The following CELF2 variants were observed in gnomAD, a reference collection of about 807,000 sequenced individuals.
The protein encoded by CELF2 is CUG triplet repeat RNA-binding protein 2.
A neutral mutation model predicts 62.6 loss-of-function variants in CELF2; 8 were observed. The ratio of observed to expected loss-of-function variants is 0.13; its 90% CI spans 0.07 to 0.23. The LOEUF (loss-of-function observed/expected upper bound fraction) is 0.23. CELF2 is among the 10% of genes least tolerant of loss of function. The pLI, the probability that CELF2 is intolerant of heterozygous loss-of-function variation, is 1.00. For synonymous variants in CELF2, 258 were observed against 250.0 expected (o/e 1.03, Z -0.30); for missense variants, 333 against 671.0 (o/e 0.50, Z 5.56).
intron 2 of CELF2, among the ~76,000 whole-genome samples, chr10:11,206,682 C>T (rs1241927517): frequency 3.9e-5 from 6 of 152,220 alleles, no homozygotes; most frequent in Non-Finnish European, 8.8e-5. Context: ...TGGCTTGTTA[C>T]ATTCAACCTG....
chr10:10,700,726 A>T, the CELF2 span, among the ~76,000 whole-genome samples: 3 of 152,172 alleles, frequency 2.0e-5, no homozygotes, highest in Admixed American at 2.0e-4. Flanking sequence ...TTTCTTCTCA[A>T]ATTGATCATT....
chr10:11,271,955 C>T (rs11257041), intron 7 of CELF2, among the ~76,000 whole-genome samples: 31,475 of 152,086 alleles, frequency 0.21, 4,611 homozygotes, highest in East Asian at 0.7. Context: ...ATCAACCAGC[C>T]GCTAGTGGTT....
chr10:11,196,932 C>T (rs368573908), intron 2 of CELF2, among the ~76,000 whole-genome samples: 42 of 150,082 alleles, frequency 2.8e-4, no homozygotes, highest in African/African-American at 1.0e-3. Flanking sequence ...GCACTCCAGC[C>T]TGGGCGACAG....
intron 2 of CELF2, among the ~76,000 whole-genome samples, chr10:10,991,367 G>A (rs140311812): frequency 1.3e-5 from 2 of 152,148 alleles, no homozygotes; most frequent in Admixed American, 6.5e-5. Context: ...TGAGGCACAC[G>A]CTAAGGGGAT....
chr10:10,533,867 A>T, the CELF2 span, among the ~76,000 whole-genome samples: 1 of 152,224 alleles, frequency 6.6e-6, no homozygotes, highest in Non-Finnish European at 1.5e-5. Flanking sequence ...TCTACTTGGA[A>T]GTCACTGGCG....
chr10:10,955,478 G>A (rs1049124119), intron 2 of CELF2, among the ~76,000 whole-genome samples: 9 of 152,194 alleles, frequency 5.9e-5, no homozygotes, highest in Non-Finnish European at 1.2e-4. Context: ...GAGTGAGCCC[G>A]AAACACAGTT....
Position 11,244,286 on chromosome 10 carries a change from T to A in CELF2, c.355-4867T>A, listed in dbSNP as rs2137048453. Reference sequence around the variant, plus strand: ...CATTGTTTCTTTTTACTTGAAATTGTCCAGCCTATGAACATATCCCTCACT... The same window carrying A: ...CATTGTTTCTTTTTACTTGAAATTGACCAGCCTATGAACATATCCCTCACT... On this transcript the variant is annotated intron_variant, in intron 3 of 12. Coordinates refer to ENST00000633077, the MANE Select transcript of CELF2 (RefSeq NM_001326342.2). The surrounding 1 kb of genome is among the most constrained non-coding windows in gnomAD (Gnocchi z 4.2). Among the ~76,000 whole-genome samples, 1 of 152,358 alleles carries A rather than the reference T, an allele frequency of 6.6e-6. No individual in the cohort carries two copies. The highest frequency in any genetic ancestry group is 2.4e-5 in the African/African-American group (1 of 41,588).
At chr10:10,909,575 T>G (rs1032754390) in intron 1 of CELF2, among the ~76,000 whole-genome samples, 1 of 152,210 alleles carries the variant, frequency 6.6e-6, no homozygotes, top group Non-Finnish European at 1.5e-5. Flanking sequence ...GTGGCTTTTG[T>G]GTTTTCATTT....
chr10:10,554,962 T>A, the CELF2 span, among the ~76,000 whole-genome samples: 2 of 152,072 alleles, frequency 1.3e-5, no homozygotes, highest in East Asian at 3.9e-4. Flanking sequence ...GTGTATGTAT[T>A]TGGTACAGGA....
At chr10:11,283,079 A>G (rs146415674) in intron 8 of CELF2, among the ~76,000 whole-genome samples, 2 of 152,288 alleles carry the variant, frequency 1.3e-5, no homozygotes, top group African/African-American at 2.4e-5. Context: ...ATGAGCACGC[A>G]CTTCTGAAAA....
chr10:11,317,004 A>G (rs771612481), intron 10 of CELF2: 2 of 152,214 alleles, frequency 1.3e-5, no homozygotes, highest in African/African-American at 2.4e-5. Flanking sequence ...AGCATGTTTT[A>G]TATGTTAACA....
Position 11,165,705 on chromosome 10 carries a change from C to T in CELF2, c.271+23C>T, listed in dbSNP as rs1222727355. 8 of 1,592,816 alleles carry T rather than the reference C, an allele frequency of 5.0e-6. No homozygotes were observed. Among genetic ancestry groups the T allele is most frequent in the Admixed American group, 1.8e-5 (1 of 57,020 alleles). ...AAGGTACAGAGCGCGGGGCGGGGGT[C>T]GCCAGGCGTCCAGGTGGGCGTCGCG... On this transcript the variant is annotated intron_variant, in intron 2 of 12. Coordinates refer to ENST00000633077, the MANE Select transcript of CELF2 (RefSeq NM_001326342.2). This position sits in a 1 kb window ranked among gnomAD's most constrained non-coding sequence, Gnocchi z 7.4.
At chr10:10,963,077 GT>G (rs1369853692) in intron 2 of CELF2, among the ~76,000 whole-genome samples, 1 of 151,950 alleles carries the variant, frequency 6.6e-6, no homozygotes, top group Non-Finnish European at 1.5e-5. Context: ...GTCTTGCTCT[GT>G]TGCCCAGGCT....
the CELF2 span, among the ~76,000 whole-genome samples, chr10:10,563,323 G>C: frequency 3.9e-5 from 6 of 152,094 alleles, no homozygotes; most frequent in Non-Finnish European, 7.4e-5. Flanking sequence ...GGAAAGAGAG[G>C]ATAGAGACTG....
chr10:11,252,617 G>A (rs551591820), intron 4 of CELF2, among the ~76,000 whole-genome samples: 24 of 152,166 alleles, frequency 1.6e-4, no homozygotes, highest in Non-Finnish European at 2.9e-4. Context: ...CTGCACTTTG[G>A]GATGTCACTG....
At chr10:11,024,347 G>T (rs1301930468) in intron 1 of CELF2, among the ~76,000 whole-genome samples, 1 of 152,194 alleles carries the variant, frequency 6.6e-6, no homozygotes, top group East Asian at 1.9e-4. Context: ...GCTCACGCCT[G>T]TAATCCCAGC....
the CELF2 span, among the ~76,000 whole-genome samples, chr10:10,507,905 G>A: frequency 2.6e-5 from 4 of 152,080 alleles, no homozygotes; most frequent in East Asian, 5.8e-4. Flanking sequence ...AGTCAAGCCC[G>A]GTTCCAGGGC....
At chr10:10,590,025 G>A in the CELF2 span, among the ~76,000 whole-genome samples, 4 of 152,120 alleles carry the variant, frequency 2.6e-5, no homozygotes, top group Non-Finnish European at 4.4e-5. Context: ...GTCTCTGCCC[G>A]GGGTGCTCAG....
intron 4 of CELF2, among the ~76,000 whole-genome samples, chr10:11,254,080 A>G (rs1299859124): frequency 2.0e-5 from 3 of 152,254 alleles, no homozygotes; most frequent in Non-Finnish European, 2.9e-5. Context: ...ACGGTCATCA[A>G]AAGTTGATAA....
Sources: gnomAD v4.1 joint callset for allele counts (sites outside exome capture counted in the v4.1 genomes callset) on GRCh38, gnomAD v4.1.1 for gene constraint, Gnocchi (gnomAD v3.1) non-coding constraint, MANE v1.5 for transcripts, NCBI Gene and HGNC (gene_info 2026-07-23, HGNC 2026-07-21) for gene names.